Variants in RPS6KA5 observed in about 807,000 individuals in gnomAD.
RPS6KA5 encodes ribosomal protein S6 kinase A5.
A neutral mutation model predicts 85.5 loss-of-function variants in RPS6KA5; 27 were observed. That is an observed-to-expected ratio of 0.32 (90% CI 0.23 to 0.44). The LOEUF is 0.44. Among genes scored for constraint, RPS6KA5 ranks in the 20% least tolerant of loss-of-function variants. RPS6KA5 has a pLI of 1.00. For missense variants in RPS6KA5, 811 were observed against 980.9 expected, an observed-to-expected ratio of 0.83 and a Z score of 2.31; for synonymous variants, 334 against 348.2, an observed-to-expected ratio of 0.96 and a Z score of 0.46.
At chr14:90,956,095 A>C (rs942410102) in intron 3 of RPS6KA5, among the ~76,000 whole-genome samples, 1 of 152,210 alleles carries the variant, frequency 6.6e-6, no homozygotes, top group African/African-American at 2.4e-5. Context: ...GAGATGACAA[A>C]GTATACAGGG....
intron 12 of RPS6KA5, among the ~76,000 whole-genome samples, chr14:90,894,957 T>C (rs1473095058): frequency 2.0e-5 from 3 of 152,222 alleles, no homozygotes; most frequent in African/African-American, 7.2e-5. Flanking sequence ...GCTGGGGCTA[T>C]AGGTGTGCAA....
At chr14:91,017,465 G>A (rs1279318400) in intron 1 of RPS6KA5, among the ~76,000 whole-genome samples, 4 of 152,182 alleles carry the variant, frequency 2.6e-5, no homozygotes. Flanking sequence ...CCACACTCAT[G>A]GAATTCACTG....
intron 2 of RPS6KA5, among the ~76,000 whole-genome samples, chr14:90,993,016 G>C (rs1189781136): frequency 6.6e-6 from 1 of 152,142 alleles, no homozygotes; most frequent in African/African-American, 2.4e-5. Context: ...GTATGCTTTA[G>C]ACTGTTTGTT....
At chr14:90,880,125 A>C (rs982423885) in intron 14 of RPS6KA5, among the ~76,000 whole-genome samples, 2 of 152,162 alleles carry the variant, frequency 1.3e-5, no homozygotes, top group African/African-American at 4.8e-5. Flanking sequence ...TATTGTGTTA[A>C]AATACATTTA....
rs1311115422 is a variant in RPS6KA5, at chr14:90,899,434, G to A, written c.1380-12C>T. ...TATTGGCTTCCATCCTGCAAGATGA[G>A]ACACTTAGCATCCACATGTCTCTTC... On this transcript the variant is annotated splice_polypyrimidine_tract_variant and intron_variant, in intron 11 of 16. Coordinates refer to ENST00000614987, the MANE Select transcript of RPS6KA5 (RefSeq NM_004755.4). 18 of 1,587,562 alleles carry A rather than the reference G, an allele frequency of 1.1e-5. No homozygotes were observed. In the South Asian group the frequency reaches 1.4e-4, roughly 13 times the overall value.
At chr14:91,023,968 A>G (rs1443247091) in intron 1 of RPS6KA5, among the ~76,000 whole-genome samples, 1 of 152,176 alleles carries the variant, frequency 6.6e-6, no homozygotes, top group Non-Finnish European at 1.5e-5. Flanking sequence ...GTCTTCTTTT[A>G]TTCTCAGAAT....
chr14:91,017,073 G>A (rs1297167704), intron 1 of RPS6KA5, among the ~76,000 whole-genome samples: 1 of 152,150 alleles, frequency 6.6e-6, no homozygotes, highest in African/African-American at 2.4e-5. Flanking sequence ...TAGCAGAGAT[G>A]GTGGTTACGC....
intron 3 of RPS6KA5, among the ~76,000 whole-genome samples, chr14:90,956,590 G>C (rs1301889931): frequency 6.6e-6 from 1 of 150,704 alleles, no homozygotes; most frequent in African/African-American, 2.4e-5. Flanking sequence ...CTCTAGTCTA[G>C]TCTTTCTTTA....
chr14:90,877,433 C>G (rs2033551094), intron 14 of RPS6KA5, among the ~76,000 whole-genome samples: 1 of 152,194 alleles, frequency 6.6e-6, no homozygotes, highest in South Asian at 2.1e-4. Context: ...ACTGGAGTCT[C>G]ATAACTGATG....
Position 90,863,388 on chromosome 14 carries a change from T to G in RPS6KA5, c.*8686A>C, listed in dbSNP as rs1370427949. On this transcript the variant is annotated 3_prime_UTR_variant, in exon 17 of 17. Transcript: ENST00000614987. ...ATAGAAAAATATTGAATTCTTATTCTGAGTTGAAGAAGTTTAAGGAGTCCA... is the reference window on the plus strand; with the variant it reads ...ATAGAAAAATATTGAATTCTTATTCGGAGTTGAAGAAGTTTAAGGAGTCCA... The G allele has an allele frequency of 6.7e-6, 1 of 149,248 alleles. No individual in the cohort carries two copies. The highest frequency in any genetic ancestry group is 1.5e-5 in the Non-Finnish European group (1 of 67,364). The allele number at this position is 149,248 out of a possible 1,614,324, so 9.2% of individuals were successfully genotyped here. A position where few individuals can be genotyped will look rare whatever the true frequency, so the allele number is the denominator to read the frequency against.
At chr14:90,924,489 A>C (rs1315764048) in intron 5 of RPS6KA5, among the ~76,000 whole-genome samples, 1 of 152,216 alleles carries the variant, frequency 6.6e-6, no homozygotes, top group East Asian at 1.9e-4. Flanking sequence ...GGCAGGAAAG[A>C]CTTCAAGGTA....
rs1440719919 is a variant in RPS6KA5 at position 90,851,720 on chromosome 14, G to A, written c.*20354C>T. 6.6e-6 allele frequency: 1 copy of A among 152,184 alleles called. No homozygotes were observed. Among genetic ancestry groups the A allele is most frequent in the Non-Finnish European group, 1.5e-5 (1 of 68,038 alleles). The allele number at this position is 152,184 out of a possible 1,614,324, so 9.4% of individuals were successfully genotyped here. The stretch of plus-strand genomic sequence containing the variant: ...TTAAGTGAGCTCTTTGGGTAACCTT[G>A]TTTTCTTCTAGAGGATGAAGGTATT... On this transcript the variant is annotated 3_prime_UTR_variant, in exon 17 of 17. Coordinates refer to ENST00000614987, the MANE Select transcript of RPS6KA5 (RefSeq NM_004755.4).
At chr14:90,985,696 C>G (rs1177954186) in intron 2 of RPS6KA5, among the ~76,000 whole-genome samples, 1 of 152,132 alleles carries the variant, frequency 6.6e-6, no homozygotes, top group East Asian at 1.9e-4. Flanking sequence ...CTCCTAAGAC[C>G]AACTTAGTCT....
At chr14:91,030,080 C>T (rs1282523588) in intron 1 of RPS6KA5, among the ~76,000 whole-genome samples, 1 of 152,152 alleles carries the variant, frequency 6.6e-6, no homozygotes, top group African/African-American at 2.4e-5. Flanking sequence ...CAAGCTAAAT[C>T]ACCCCCAGAG....
At chr14:90,903,281 A>G (rs1241405402) in intron 8 of RPS6KA5, among the ~76,000 whole-genome samples, 1 of 152,202 alleles carries the variant, frequency 6.6e-6, no homozygotes, top group Non-Finnish European at 1.5e-5. Context: ...CTCCTCAGAA[A>G]GGTGTTAAGC....
Position 91,047,205 on chromosome 14 carries a change from A to T in RPS6KA5, c.103+13127T>A, listed in dbSNP as rs529502447. Among the ~76,000 whole-genome samples, 32 of 152,360 alleles carry T rather than the reference A, an allele frequency of 2.1e-4. 1 individual carries two copies. The Middle Eastern group carries it at 0.014, about 65-fold the overall frequency. ...GTCCAGAAAAGATGTAAGGCAAATT[A>T]CCAGCATTAATTAAACCATAAGAAA... On this transcript the variant is annotated intron_variant, in intron 1 of 16. Coordinates refer to ENST00000614987, the MANE Select transcript of RPS6KA5 (RefSeq NM_004755.4).
At chr14:90,987,562 G>A (rs971149248) in intron 2 of RPS6KA5, among the ~76,000 whole-genome samples, 17 of 152,172 alleles carry the variant, frequency 1.1e-4, no homozygotes, top group Non-Finnish European at 2.4e-4. Flanking sequence ...AATGAGTAAA[G>A]AAATATCACA....
At position 90,850,911 on chromosome 14, in the gene RPS6KA5, G is replaced by GTACACCATAAATTTGTACTA. The variant is rs2031967915; in HGVS notation, c.*21143_*21162dup. ...TTAAACCCACACTCAGACCGACAGTGTACACCATAAATTTGTACTAGAACA... is the reference window on the plus strand; with the variant it reads ...TTAAACCCACACTCAGACCGACAGTGTACACCATAAATTTGTACTATACACCATAAATTTGTACTAGAACA... On this transcript the variant is annotated 3_prime_UTR_variant, in exon 17 of 17. Transcript: ENST00000614987. 6.6e-6 allele frequency: 1 copy of GTACACCATAAATTTGTACTA among 152,130 alleles called. No homozygotes were observed. Among genetic ancestry groups the GTACACCATAAATTTGTACTA allele is most frequent in the African/African-American group, 2.4e-5 (1 of 41,424 alleles). 9.4% of individuals were successfully genotyped at this position (152,130 alleles called of 1,614,324 possible). A position where few individuals can be genotyped will look rare whatever the true frequency, so the allele number is the denominator to read the frequency against.
In RPS6KA5 at chr14:90,868,817, T is replaced by G. The variant is rs2032921976; in HGVS notation, c.*3257A>C. 2 of 152,214 alleles carry G rather than the reference T, an allele frequency of 1.3e-5. No homozygotes were observed. The highest frequency in any genetic ancestry group is 2.9e-5 in the Non-Finnish European group (2 of 68,044). 9.4% of individuals were successfully genotyped at this position (152,214 alleles called of 1,614,324 possible). ...ATTTCCTTACTTTAAAAAAAGTGAC[T>G]TCTATCTTAGTAGATTTCTTTAAAA... is the stretch of plus-strand genomic sequence containing the variant. On this transcript the variant is annotated 3_prime_UTR_variant, in exon 17 of 17. Coordinates refer to ENST00000614987, the MANE Select transcript of RPS6KA5 (RefSeq NM_004755.4).
Sources: gnomAD v4.1 joint callset for allele counts (sites outside exome capture counted in the v4.1 genomes callset) on GRCh38, gnomAD v4.1.1 for gene constraint, MANE v1.5 for transcripts, NCBI Gene and HGNC (gene_info 2026-07-23, HGNC 2026-07-21) for gene names.